The following ZBED6 variants were observed in gnomAD, a reference collection of about 807,000 sequenced individuals.
The protein encoded by ZBED6 is zinc finger BED-type containing 6.
ZBED6 carries 40 observed loss-of-function variants against 58.4 expected under a neutral mutation model. The ratio of observed to expected loss-of-function variants is 0.68; its 90% CI spans 0.53 to 0.89. The LOEUF (loss-of-function observed/expected upper bound fraction) is 0.89, where lower values mean the gene tolerates loss of function less well. ZBED6 is among the 40% of genes least tolerant of loss of function. The pLI, the probability that ZBED6 is intolerant of heterozygous loss-of-function variation, is 0.00. For missense variants in ZBED6, 1,057 were observed against 1,003.9 expected (o/e 1.05, Z -0.71); for synonymous variants, 439 against 350.6 (o/e 1.25, Z -2.82).
At chr1:203,796,216 T>C (rs1186361777) in exon 1 of ZBED6, 2 of 390,354 alleles carry the variant, frequency 5.1e-6, no homozygotes, top group African/African-American at 4.1e-5. Flanking sequence ...GTTTCTCTAG[T>C]TGAGCGGACC....
At chr1:203,833,948 TG>T in intron 9 of ZBED6, 95 bp downstream of exon 9, 1 of 1,470,396 alleles carries the variant, frequency 6.8e-7, no homozygotes. Flanking sequence ...TCTTTGTTAT[TG>T]GTGCCCCTGT....
rs149659065 is a variant in ZBED6 at position 203,850,791 on chromosome 1, T to G, written c.*4805+110T>G. The G allele has an allele frequency of 1.5e-3, 2,165 of 1,430,066 alleles. 46 individuals carry two copies. In the East Asian group the frequency reaches 0.037, roughly 25 times the overall value. The allele number at this position is 1,430,066 out of a possible 1,614,324, so 88.6% of individuals were successfully genotyped here. On this transcript the variant is annotated intron_variant, in intron 15 of 16. Coordinates refer to ENST00000550078, the Ensembl canonical transcript of ZBED6. The stretch of plus-strand genomic sequence containing the variant: ...GAGTATATCACTTCCTGGCATTTCC[T>G]AGCATTTTAGTAATTTGGGTTACTA...
rs374825408 is a variant in ZBED6, at chr1:203,833,747, A to C, written c.*3511-44A>C. 11 of 1,575,096 alleles carry C rather than the reference A, an allele frequency of 7.0e-6. No individual in the cohort carries two copies. The African/African-American group carries it at 1.2e-4, about 18-fold the overall frequency. The stretch of plus-strand genomic sequence containing the variant: ...ACCCATTAGTAGTTACTGAATACAG[A>C]AAAATTGACTAAGGATAGAGAAATT... On this transcript the variant is annotated intron_variant, in intron 8 of 16. Transcript: ENST00000550078.
exon 17 of ZBED6, chr1:203,853,603 T>G (rs1689674343): frequency 6.5e-6 from 1 of 152,682 alleles, no homozygotes; most frequent in African/African-American, 2.4e-5. Flanking sequence ...GATATTTTGC[T>G]GTAGGTGGCC....
chr1:203,838,163 A>G (rs1684961739), intron 10 of ZBED6, 99 bp downstream of exon 10: 1 of 1,087,916 alleles, frequency 9.2e-7, no homozygotes, highest in Non-Finnish European at 1.3e-6. Flanking sequence ...GTTCAGGTAA[A>G]TAGGTTATCT....
chr1:203,824,464 A>G (rs996447019), intron 3 of ZBED6, among the ~76,000 whole-genome samples: 3 of 152,122 alleles, frequency 2.0e-5, no homozygotes, highest in Non-Finnish European at 4.4e-5. Flanking sequence ...CATTGGTTCC[A>G]TATTTGCGAA....
intron 1 of ZBED6, among the ~76,000 whole-genome samples, chr1:203,815,379 CTTTT>C (rs397711285): frequency 0.14 from 14,010 of 96,882 alleles, 983 homozygotes; most frequent in Non-Finnish European, 0.16. Context: ...CCACACCCAG[CTTTT>C]TTTTTTTTTT....
chr1:203,851,969 A>T (rs1689410707), intron 16 of ZBED6, among the ~76,000 whole-genome samples, 172 bp from the exon 17 acceptor site: 1 of 11,334 alleles, frequency 8.8e-5, no homozygotes, highest in Non-Finnish European at 2.0e-4. Context: ...ACTCTGCCTC[A>T]AAAAAAAAAA....
intron 11 of ZBED6, 148 bp from the exon 12 acceptor site, chr1:203,847,036 G>T (rs1688100593): frequency 3.5e-6 from 3 of 865,842 alleles, no homozygotes; most frequent in African/African-American, 1.7e-5. Context: ...AAAAGGAAAA[G>T]AAATAAATGT....
intron 1 of ZBED6, among the ~76,000 whole-genome samples, chr1:203,810,960 A>G (rs1379903462): frequency 1.3e-5 from 2 of 150,452 alleles, no homozygotes; most frequent in Non-Finnish European, 3.0e-5. Flanking sequence ...GTGAAACTCC[A>G]TCTCTACTAA....
chr1:203,837,304 A>AG (rs61068785), intron 9 of ZBED6, among the ~76,000 whole-genome samples: 58 of 150,114 alleles, frequency 3.9e-4, no homozygotes, highest in African/African-American at 1.3e-3. Context: ...AAAAAAAAAA[A>AG]GGGTTCTTTT....
chr1:203,799,385 G>A, exon 1 of ZBED6: 5 of 703,378 alleles, frequency 7.1e-6, no homozygotes, highest in Non-Finnish European at 1.3e-5. Context: ...ATTCGGTCAA[G>A]GCCCGTCAGA....
At chr1:203,835,605 A>G (rs1474690563) in intron 9 of ZBED6, 1 of 186,414 alleles carries the variant, frequency 5.4e-6, no homozygotes, top group East Asian at 1.3e-4. Context: ...GTACAGCGTC[A>G]CTCAGATTCT....
chr1:203,842,962 C>A (rs1158646110), intron 11 of ZBED6, among the ~76,000 whole-genome samples: 1 of 150,172 alleles, frequency 6.7e-6, no homozygotes, highest in African/African-American at 2.4e-5. Flanking sequence ...CAGTTTGAGG[C>A]TTTTAAAAAT....
At chr1:203,819,529 A>ATTTTTTTTTTTTTTTTTTTTTT (rs755259647) in intron 3 of ZBED6, among the ~76,000 whole-genome samples, 1 of 72,890 alleles carries the variant, frequency 1.4e-5, no homozygotes, top group Non-Finnish European at 2.6e-5. Flanking sequence ...GCTGACTCCA[A>ATTTTTTTTTTTTTTTTTTTTTT]TTTTTTTTTT....
chr1:203,804,461 T>C (rs1671569285), intron 1 of ZBED6, among the ~76,000 whole-genome samples: 1 of 152,030 alleles, frequency 6.6e-6, no homozygotes, highest in Non-Finnish European at 1.5e-5. Context: ...CCTTCCTGTA[T>C]ATCTTTTTAT....
At chr1:203,824,789 A>G (rs538881121) in intron 3 of ZBED6, among the ~76,000 whole-genome samples, 1 of 152,252 alleles carries the variant, frequency 6.6e-6, no homozygotes, top group East Asian at 1.9e-4. Context: ...TAGAGAAAAT[A>G]GATTGTTAGG....
intron 1 of ZBED6, among the ~76,000 whole-genome samples, chr1:203,805,106 C>G (rs1333052881): frequency 6.6e-6 from 1 of 150,938 alleles, no homozygotes; most frequent in Non-Finnish European, 1.5e-5. Context: ...ATTAAGGAAA[C>G]CACAGAATCA....
chr1:203,797,878 T>C (rs1237142408), exon 1 of ZBED6: 1 of 1,536,108 alleles, frequency 6.5e-7, no homozygotes, highest in Non-Finnish European at 8.7e-7. Context: ...GAGAGCAATA[T>C]AGAAAAACAG....
Sources: gnomAD v4.1 joint callset for allele counts (sites outside exome capture counted in the v4.1 genomes callset) on GRCh38, gnomAD v4.1.1 for gene constraint, MANE v1.5 for transcripts, NCBI Gene and HGNC (gene_info 2026-07-23, HGNC 2026-07-21) for gene names.